The following SCRN1 variants were observed in gnomAD, a reference collection of about 807,000 sequenced individuals.
The protein encoded by SCRN1 is secernin 1, also known as secernin-1.
Under a neutral mutation model 43.3 loss-of-function variants are expected in SCRN1, and 19 were observed. The observed-to-expected ratio is 0.44, with a 90% CI of 0.31 to 0.64. The LOEUF (loss-of-function observed/expected upper bound fraction) is 0.64. SCRN1 is among the 30% of genes least tolerant of loss of function. The probability of loss-of-function intolerance (pLI) is 0.09; values close to 1 mark genes in which losing one functional copy is unlikely to be tolerated. For missense variants in SCRN1, 447 were observed against 524.1 expected (o/e 0.85, Z 1.44); for synonymous variants, 183 against 188.9 (o/e 0.97, Z 0.26).
At chr7:29,978,032 C>G (rs1480278392) in intron 1 of SCRN1, among the ~76,000 whole-genome samples, 1 of 152,184 alleles carries the variant, frequency 6.6e-6, no homozygotes, top group Non-Finnish European at 1.5e-5. Flanking sequence ...AGATTTGCTT[C>G]ATTGTCACTT....
At chr7:29,989,982 C>T, upstream of SCRN1, 3 of 1,412,636 alleles carry the variant, frequency 2.1e-6, no homozygotes, top group Admixed American at 5.6e-5. Context: ...GAGGAGCGGC[C>T]GAGAGGGCGT....
At chr7:29,967,519 G>T (rs1272349490) in intron 2 of SCRN1, among the ~76,000 whole-genome samples, 1 of 151,036 alleles carries the variant, frequency 6.6e-6, no homozygotes, top group African/African-American at 2.4e-5. Flanking sequence ...ATGTGTCACT[G>T]TACCTGACTG....
intron 1 of SCRN1, among the ~76,000 whole-genome samples, chr7:29,970,882 C>T (rs34511420): frequency 0.058 from 8,839 of 152,234 alleles, 409 homozygotes; most frequent in Admixed American, 0.14. Flanking sequence ...CCCACAGGTA[C>T]TAATACATCC....
At chr7:29,966,155 G>GAGAC (rs1213897885) in intron 2 of SCRN1, among the ~76,000 whole-genome samples, 17 of 127,322 alleles carry the variant, frequency 1.3e-4, no homozygotes, top group East Asian at 4.6e-4. Context: ...GAGAGACCGA[G>GAGAC]AGACAGAGAG....
chr7:29,943,415 C>CA (rs1366698135), intron 4 of SCRN1, among the ~76,000 whole-genome samples: 2 of 152,196 alleles, frequency 1.3e-5, no homozygotes, highest in Non-Finnish European at 2.9e-5. Flanking sequence ...CACAGAGCAG[C>CA]AAATTTATGG....
At chr7:29,973,809 G>C (rs1562821581) in intron 1 of SCRN1, among the ~76,000 whole-genome samples, 1 of 152,234 alleles carries the variant, frequency 6.6e-6, no homozygotes, top group East Asian at 1.9e-4. Context: ...CAGGAATATG[G>C]GCAAGGGGTA....
At chr7:29,956,327 C>T (rs1434853906) in intron 2 of SCRN1, among the ~76,000 whole-genome samples, 2 of 152,186 alleles carry the variant, frequency 1.3e-5, no homozygotes, top group African/African-American at 4.8e-5. Flanking sequence ...CTAGCTTCCC[C>T]ATGGGGGCCT....
chr7:29,985,918 G>A (rs930475396), intron 1 of SCRN1, among the ~76,000 whole-genome samples: 2 of 152,190 alleles, frequency 1.3e-5, no homozygotes, highest in African/African-American at 4.8e-5. Flanking sequence ...CCACCCTCCA[G>A]TTCCTGTTAA....
chr7:29,966,185 G>GAGAGAGAGAGAGAGAGAGAGAC (rs1383022706), intron 2 of SCRN1, among the ~76,000 whole-genome samples: 2 of 150,354 alleles, frequency 1.3e-5, no homozygotes, highest in African/African-American at 4.9e-5. Flanking sequence ...GAGAGAGAGA[G>GAGAGAGAGAGAGAGAGAGAGAC]AGAGAGAGAG....
At chr7:29,925,268 A>C (rs1786903844) in intron 7 of SCRN1, among the ~76,000 whole-genome samples, 1 of 152,228 alleles carries the variant, frequency 6.6e-6, no homozygotes. Flanking sequence ...AGAGAAGGGC[A>C]AGCTCTCAGA....
intron 3 of SCRN1, among the ~76,000 whole-genome samples, chr7:29,946,006 T>G (rs556283978): frequency 8.5e-5 from 13 of 152,356 alleles, no homozygotes; most frequent in Non-Finnish European, 1.5e-4. Flanking sequence ...TTCACTGTGC[T>G]GCCAGGGAGA....
intron 1 of SCRN1, among the ~76,000 whole-genome samples, chr7:29,974,681 C>CTTTTTTTTTT (rs754103658): frequency 2.1e-5 from 3 of 142,230 alleles, no homozygotes; most frequent in African/African-American, 7.9e-5. Flanking sequence ...TTCTTTCTTT[C>CTTTTTTTTTT]TTTCTTTTTT....
At chr7:29,958,397 A>C (rs2128094819) in intron 2 of SCRN1, among the ~76,000 whole-genome samples, 1 of 152,346 alleles carries the variant, frequency 6.6e-6, no homozygotes, top group Admixed American at 6.5e-5. Flanking sequence ...AAAGTCAGCC[A>C]TCTAGAACAT....
intron 6 of SCRN1, among the ~76,000 whole-genome samples, chr7:29,935,318 C>G (rs930554162): frequency 6.6e-6 from 1 of 152,202 alleles, no homozygotes; most frequent in Non-Finnish European, 1.5e-5. Flanking sequence ...ATCTAAGAAC[C>G]AGTCCCTAGC....
intron 3 of SCRN1, among the ~76,000 whole-genome samples, chr7:29,945,751 T>C (rs1002240124): frequency 3.9e-5 from 6 of 152,300 alleles, no homozygotes; most frequent in African/African-American, 7.2e-5. Flanking sequence ...CATCTGCAGA[T>C]TGAAAACAAT....
chr7:29,984,505 T>A (rs1317990910), intron 1 of SCRN1, among the ~76,000 whole-genome samples: 1 of 151,828 alleles, frequency 6.6e-6, no homozygotes, highest in Admixed American at 6.6e-5. Context: ...AGCTCTTACA[T>A]ACCAATAAGA....
chr7:29,939,956 C>T (rs992236724), intron 5 of SCRN1, among the ~76,000 whole-genome samples: 1 of 151,708 alleles, frequency 6.6e-6, no homozygotes, highest in African/African-American at 2.4e-5. Context: ...GTCAGACCAG[C>T]CTGGGCAACA....
Position 29,925,486 on chromosome 7 carries a change from G to A in SCRN1, c.1086+966C>T, listed in dbSNP as rs1224070407. 2.0e-5 allele frequency among the ~76,000 whole-genome samples: 3 copies of A among 152,146 alleles called. No individual in the cohort carries two copies. The South Asian group carries it at 6.2e-4, about 32-fold the overall frequency. ...TAAAAGTTGTTACATAAATAGTTGGGGAAAACTGATGAGTGTCTAACAAGC... is the reference window on the plus strand; with the variant it reads ...TAAAAGTTGTTACATAAATAGTTGGAGAAAACTGATGAGTGTCTAACAAGC... On this transcript the variant is annotated intron_variant, in intron 7 of 7. Transcript: ENST00000242059.
intron 2 of SCRN1, among the ~76,000 whole-genome samples, chr7:29,958,097 C>T (rs917025847): frequency 6.6e-6 from 1 of 152,158 alleles, no homozygotes; most frequent in Non-Finnish European, 1.5e-5. Flanking sequence ...AGCACCAGAC[C>T]GAAAGCCAGG....
Sources: allele counts gnomAD v4.1 joint callset (sites outside exome capture counted in the v4.1 genomes callset), GRCh38; gene constraint gnomAD v4.1.1; transcripts MANE v1.5; gene names NCBI Gene and HGNC (gene_info 2026-07-23, HGNC 2026-07-21).